The following RHOBTB2 variants were observed in gnomAD, a reference collection of about 807,000 sequenced individuals.
RHOBTB2 encodes rho-related BTB domain-containing protein 2.
Under a neutral mutation model 66.5 loss-of-function variants are expected in RHOBTB2, and 39 were observed. The ratio of observed to expected loss-of-function variants is 0.59; its 90% CI spans 0.45 to 0.77. RHOBTB2 has a LOEUF of 0.77. Among genes scored for constraint, RHOBTB2 ranks in the 30% least tolerant of loss-of-function variants. The pLI is 0.00. For synonymous variants in RHOBTB2, 390 were observed against 395.0 expected (o/e 0.99, Z 0.15); for missense variants, 755 against 999.1 (o/e 0.76, Z 3.29).
chr8:23,005,286 G>A, intron 2 of RHOBTB2, 86 bp from the exon 3 acceptor site: 1 of 966,302 alleles, frequency 1.0e-6, no homozygotes, highest in Non-Finnish European at 1.7e-6. Flanking sequence ...GGGCCCCCAG[G>A]TGTCAGCCGG....
the RHOBTB2 span, among the ~76,000 whole-genome samples, chr8:22,971,312 G>A: frequency 6.6e-6 from 1 of 151,520 alleles, no homozygotes; most frequent in Non-Finnish European, 1.5e-5. Context: ...AGCCTCCCAA[G>A]TAGCTGCAGC....
chr8:22,958,859 A>C, the RHOBTB2 span, among the ~76,000 whole-genome samples: 3 of 146,142 alleles, frequency 2.1e-5, no homozygotes, highest in African/African-American at 7.5e-5. Context: ...CTCTGAGGCT[A>C]TGGGTACACA....
chr8:23,006,214 G>A lies in RHOBTB2; in HGVS notation c.482+69G>A. ...TCACCATGGCTCCCTGCTCAGCCCT[G>A]GGGGAATTCCACTGAGCCTCATATC... On this transcript the variant is annotated intron_variant, in intron 4 of 9. Coordinates refer to ENST00000251822, the MANE Select transcript of RHOBTB2 (RefSeq NM_015178.3). This position sits in a 1 kb window ranked among gnomAD's most constrained non-coding sequence, Gnocchi z 6.1. 7.2e-7 allele frequency: 1 copy of A among 1,384,844 alleles called. No homozygotes were observed. The highest frequency in any genetic ancestry group is 2.3e-5 in the East Asian group (1 of 43,362). 85.8% of individuals were successfully genotyped at this position (1,384,844 alleles called of 1,614,324 possible).
chr8:23,014,288 AGACTT>A (rs1440279438), intron 7 of RHOBTB2, among the ~76,000 whole-genome samples: 1 of 152,264 alleles, frequency 6.6e-6, no homozygotes, highest in Admixed American at 6.5e-5. Context: ...ACAAACAACT[AGACTT>A]AACTCCTAGT....
chr8:23,016,761 C>T (rs1034135947), intron 9 of RHOBTB2, among the ~76,000 whole-genome samples: 1 of 152,160 alleles, frequency 6.6e-6, no homozygotes, highest in Non-Finnish European at 1.5e-5. Context: ...TCCCTGCTTC[C>T]AGACCTTCCA....
At chr8:23,014,967 C>T (rs555443236) in intron 8 of RHOBTB2, among the ~76,000 whole-genome samples, 189 bp downstream of exon 8, 3 of 152,232 alleles carry the variant, frequency 2.0e-5, no homozygotes, top group South Asian at 2.1e-4. Flanking sequence ...CTGGTGTACC[C>T]GGAGGGGAGC....
At chr8:22,981,874 C>T in the RHOBTB2 span, among the ~76,000 whole-genome samples, 10 of 150,900 alleles carry the variant, frequency 6.6e-5, no homozygotes, top group South Asian at 2.1e-4. Flanking sequence ...GCTGCAGTGG[C>T]GCCTTGCTGC....
At chr8:23,009,469 T>TGTAGTTAACG (rs1435108997) in intron 6 of RHOBTB2, among the ~76,000 whole-genome samples, 1 of 152,158 alleles carries the variant, frequency 6.6e-6, no homozygotes, top group Non-Finnish European at 1.5e-5. Context: ...CGTCGAACCT[T>TGTAGTTAACG]GTAGTTAACG....
chr8:23,017,564 A>AG lies in RHOBTB2; in HGVS notation c.*100dup. On this transcript the variant is annotated 3_prime_UTR_variant, in exon 10 of 10. Transcript: ENST00000251822. This position sits in a 1 kb window ranked among gnomAD's most constrained non-coding sequence, Gnocchi z 5.3. Reference sequence around the variant, plus strand: ...TCACCCCATCCACCTTACAGGGACCAGGGGGCCCACGTAACCAGGACCCAG... The same window carrying AG: ...TCACCCCATCCACCTTACAGGGACCAGGGGGGCCCACGTAACCAGGACCCAG... The AG allele has an allele frequency of 6.6e-7, 1 of 1,511,192 alleles. No homozygotes were observed. Among genetic ancestry groups the AG allele is most frequent in the Non-Finnish European group, 8.9e-7 (1 of 1,123,766 alleles). 93.6% of individuals were successfully genotyped at this position (1,511,192 alleles called of 1,614,324 possible).
At chr8:22,994,169 CATGAGA>C (rs1810487605) in intron 2 of RHOBTB2, among the ~76,000 whole-genome samples, 1 of 152,192 alleles carries the variant, frequency 6.6e-6, no homozygotes, top group Non-Finnish European at 1.5e-5. Flanking sequence ...GGCCCTTGTC[CATGAGA>C]AAGTGAGGCC....
chr8:22,999,883 G>A lies in RHOBTB2; in HGVS notation c.-233G>A, dbSNP rs1171270500. On this transcript the variant is annotated 5_prime_UTR_variant, in exon 1 of 10. Coordinates refer to ENST00000251822, the MANE Select transcript of RHOBTB2 (RefSeq NM_015178.3). ...AGGGGCAGCGGCTGCAGTGCAGCGC[G>A]CGCGTCCGCTCCTGGGCCCACGTCC... 13 of 985,026 alleles carry A rather than the reference G, an allele frequency of 1.3e-5. No homozygotes were observed. Among genetic ancestry groups the A allele is most frequent in the Admixed American group, 1.2e-4 (2 of 16,230 alleles). 61.0% of individuals were successfully genotyped at this position (985,026 alleles called of 1,614,324 possible). A position where few individuals can be genotyped will look rare whatever the true frequency, so the allele number is the denominator to read the frequency against.
At chr8:23,016,651 A>G (rs944854891) in intron 9 of RHOBTB2, among the ~76,000 whole-genome samples, 2 of 152,038 alleles carry the variant, frequency 1.3e-5, no homozygotes, top group Non-Finnish European at 2.9e-5. Flanking sequence ...ACCTCAGGCA[A>G]TTTGCCTGCC....
upstream of RHOBTB2, among the ~76,000 whole-genome samples, chr8:22,997,588 C>A (rs1387804120): frequency 2.0e-5 from 3 of 152,226 alleles, no homozygotes; most frequent in East Asian, 5.8e-4. Flanking sequence ...CTGGCTTTTT[C>A]TCCCAAGGCA....
intron 7 of RHOBTB2, among the ~76,000 whole-genome samples, chr8:23,012,797 A>T (rs952865403): frequency 6.6e-6 from 1 of 151,746 alleles, no homozygotes; most frequent in East Asian, 1.9e-4. Flanking sequence ...TTTTAAATTT[A>T]TTTTTATTTA....
At chr8:22,989,186 C>A (rs542209689) in intron 1 of RHOBTB2, among the ~76,000 whole-genome samples, 3 of 152,116 alleles carry the variant, frequency 2.0e-5, no homozygotes, top group African/African-American at 7.2e-5. Context: ...CTCTCTGTGT[C>A]GCCCAGGCTG....
upstream of RHOBTB2, among the ~76,000 whole-genome samples, chr8:22,986,149 TC>T (rs1418871952): frequency 3.3e-5 from 5 of 151,366 alleles, no homozygotes; most frequent in African/African-American, 7.3e-5. Flanking sequence ...CTTCTCTCTC[TC>T]TCTCTCTCTC....
At position 23,015,598 on chromosome 8, in the gene RHOBTB2, T is replaced by G. The variant is rs987243641; in HGVS notation, c.1861-40T>G. 2.1e-6 allele frequency: 3 copies of G among 1,447,136 alleles called. No homozygotes were observed. In the African/African-American group the frequency reaches 4.2e-5, roughly 20 times the overall value. 89.6% of individuals were successfully genotyped at this position (1,447,136 alleles called of 1,614,324 possible). A position where few individuals can be genotyped will look rare whatever the true frequency, so the allele number is the denominator to read the frequency against. ...AGGTGTCTATGCAGACCCTCTCCCC[T>G]GGGGATTTCAGTACAGACGTTCTTC... On this transcript the variant is annotated intron_variant, in intron 8 of 9. Transcript: ENST00000251822.
the RHOBTB2 span, among the ~76,000 whole-genome samples, chr8:22,971,700 G>A: frequency 4.6e-5 from 7 of 152,154 alleles, no homozygotes; most frequent in Non-Finnish European, 8.8e-5. Flanking sequence ...CACCTCCTTC[G>A]GTGTATCTGG....
the RHOBTB2 span, among the ~76,000 whole-genome samples, chr8:22,955,239 AAATC>A: frequency 1.3e-5 from 2 of 152,202 alleles, no homozygotes; most frequent in Admixed American, 1.3e-4. Context: ...AATCAGAAAA[AAATC>A]AACAACCCAG....
Sources: gnomAD v4.1 joint callset for allele counts (sites outside exome capture counted in the v4.1 genomes callset) on GRCh38, gnomAD v4.1.1 for gene constraint, Gnocchi (gnomAD v3.1) non-coding constraint, MANE v1.5 for transcripts, NCBI Gene and HGNC (gene_info 2026-07-23, HGNC 2026-07-21) for gene names.